Variants in PCDHA5 observed in about 807,000 individuals in gnomAD.
PCDHA5 encodes protocadherin alpha 5, also known as protocadherin alpha-5.
Under a neutral mutation model 61.6 loss-of-function variants are expected in PCDHA5, and 43 were observed. The observed-to-expected ratio is 0.70, with a 90% CI of 0.55 to 0.90. The LOEUF (loss-of-function observed/expected upper bound fraction) is 0.90. Among genes scored for constraint, PCDHA5 ranks in the 40% least tolerant of loss-of-function variants. The pLI, the probability that PCDHA5 is intolerant of heterozygous loss-of-function variation, is 0.00. For synonymous variants in PCDHA5, 627 were observed against 543.9 expected (o/e 1.15, Z -2.13); for missense variants, 1,298 against 1,222.7 (o/e 1.06, Z -0.92).
chr5:140,876,870 G>A (rs1278762768), intron 1 of PCDHA5: 2 of 1,614,000 alleles, frequency 1.2e-6, no homozygotes, highest in Non-Finnish European at 1.7e-6. Flanking sequence ...TCGTGAAGGA[G>A]AACAACCCGC....
rs2150168616 is a variant in PCDHA5, at chr5:140,829,481, G to A, written c.2352+5354G>A. On this transcript the variant is annotated intron_variant, in intron 1 of 3. Coordinates refer to ENST00000529859, the MANE Select transcript of PCDHA5 (RefSeq NM_018908.3). ...CGCGCAGCCCGAGTACACAGTGTTC[G>A]TGAAGGAGAACAACCCGCCGGGCTG... 4.6e-5 allele frequency: 75 copies of A among 1,613,668 alleles called. No homozygotes were observed. The highest frequency in any genetic ancestry group is 1.7e-4 in the Middle Eastern group (1 of 5,788).
rs1354537383 is a variant in PCDHA5 at position 140,982,283 on chromosome 5, A to G, written c.2412-192A>G. On this transcript the variant is annotated intron_variant, in intron 2 of 3. Coordinates refer to ENST00000529859, the MANE Select transcript of PCDHA5 (RefSeq NM_018908.3). The stretch of plus-strand genomic sequence containing the variant: ...TGTTCCTGGAATAGTATAGCAGGCA[A>G]TAAGTAAGTCAGCAATGCTTCTGCA... 1.7e-5 allele frequency: 18 copies of G among 1,044,438 alleles called. No homozygotes were observed. In the East Asian group the frequency reaches 2.7e-4, roughly 16 times the overall value. 64.7% of individuals were successfully genotyped at this position (1,044,438 alleles called of 1,614,324 possible).
intron 1 of PCDHA5, chr5:140,967,785 G>C: frequency 6.2e-7 from 1 of 1,614,176 alleles, no homozygotes; most frequent in Non-Finnish European, 8.5e-7. Flanking sequence ...GCGACTGACC[G>C]GGGTCCAGTG....
At chr5:140,965,371 T>C (rs1195667342) in intron 1 of PCDHA5, among the ~76,000 whole-genome samples, 9 of 152,124 alleles carry the variant, frequency 5.9e-5, no homozygotes, top group African/African-American at 1.2e-4. Flanking sequence ...AAGAGGAAAC[T>C]TGGGGACACA....
At chr5:140,999,319 T>G (rs2097853876) in intron 3 of PCDHA5, among the ~76,000 whole-genome samples, 1 of 152,236 alleles carries the variant, frequency 6.6e-6, no homozygotes, top group African/African-American at 2.4e-5. Flanking sequence ...TGACAGACAT[T>G]GATCTGTGTG....
chr5:140,954,225 A>G (rs1554221300), intron 1 of PCDHA5, among the ~76,000 whole-genome samples: 1 of 152,242 alleles, frequency 6.6e-6, no homozygotes, highest in Admixed American at 6.5e-5. Context: ...TGCTATTGTG[A>G]ATAGTGCTGC....
At chr5:140,931,817 C>A (rs2087768963) in intron 1 of PCDHA5, among the ~76,000 whole-genome samples, 1 of 151,876 alleles carries the variant, frequency 6.6e-6, no homozygotes, top group Non-Finnish European at 1.5e-5. Context: ...GAAAAGAATT[C>A]TTGTCATAGT....
Position 140,835,938 on chromosome 5 carries a change from G to C in PCDHA5, c.2352+11811G>C, listed in dbSNP as rs1298713019. The C allele has an allele frequency of 3.7e-6, 6 of 1,612,516 alleles. No individual in the cohort carries two copies. The South Asian group carries it at 6.6e-5, about 18-fold the overall frequency. On this transcript the variant is annotated intron_variant, in intron 1 of 3. Coordinates refer to ENST00000529859, the MANE Select transcript of PCDHA5 (RefSeq NM_018908.3). The stretch of plus-strand genomic sequence containing the variant: ...GCACGCGGAGAGCGGCAAGGTGTAC[G>C]CGCTGCAGCCGTTGGACCACGAGGA...
At chr5:140,919,110 C>T (rs1274257448) in intron 1 of PCDHA5, among the ~76,000 whole-genome samples, 3 of 152,118 alleles carry the variant, frequency 2.0e-5, no homozygotes, top group Non-Finnish European at 2.9e-5. Flanking sequence ...TTCATTTCTG[C>T]CAGTTTTTGC....
At chr5:140,909,851 G>A (rs555110598) in intron 1 of PCDHA5, among the ~76,000 whole-genome samples, 17 of 152,228 alleles carry the variant, frequency 1.1e-4, no homozygotes, top group East Asian at 3.9e-4. Flanking sequence ...GGACGTTTTC[G>A]GTCCCCTGGA....
chr5:140,967,387 T>A (rs1158599127), intron 1 of PCDHA5: 4 of 1,609,114 alleles, frequency 2.5e-6, no homozygotes, highest in Non-Finnish European at 3.4e-6. Flanking sequence ...GTAAAGTGCT[T>A]GAGCTGGTGC....
chr5:140,857,659 C>T, intron 1 of PCDHA5: 1 of 1,596,596 alleles, frequency 6.3e-7, no homozygotes, highest in South Asian at 1.1e-5. Context: ...TGAGCGCGCG[C>T]GATGGGGGCG....
At chr5:140,946,474 A>G (rs2093947876) in intron 1 of PCDHA5, among the ~76,000 whole-genome samples, 1 of 151,798 alleles carries the variant, frequency 6.6e-6, no homozygotes, top group Non-Finnish European at 1.5e-5. Context: ...ACTACTGGGT[A>G]TATATCCAAA....
intron 1 of PCDHA5, among the ~76,000 whole-genome samples, chr5:140,974,327 G>A (rs2096622889): frequency 6.6e-6 from 1 of 152,194 alleles, no homozygotes; most frequent in African/African-American, 2.4e-5. Context: ...TAGCTGCTGT[G>A]CTAGCAGGCT....
intron 1 of PCDHA5, chr5:140,867,234 G>T (rs782656807): frequency 2.0e-5 from 3 of 152,032 alleles, no homozygotes; most frequent in African/African-American, 4.8e-5. Context: ...CCATAATAAG[G>T]TGATTGAGGA....
intron 1 of PCDHA5, among the ~76,000 whole-genome samples, chr5:140,901,870 TTTC>T (rs2068953949): frequency 6.6e-6 from 1 of 152,202 alleles, no homozygotes. Flanking sequence ...TCCTCTTCAA[TTTC>T]TTTCATCAGC....
chr5:140,884,323 C>G (rs1554181434), intron 1 of PCDHA5: 10 of 1,613,816 alleles, frequency 6.2e-6, no homozygotes, highest in Non-Finnish European at 8.5e-6. Context: ...CGTCGGCAGG[C>G]GCTGTGGGTC....
At chr5:140,880,010 A>G (rs958851507) in intron 1 of PCDHA5, among the ~76,000 whole-genome samples, 1 of 152,232 alleles carries the variant, frequency 6.6e-6, no homozygotes, top group African/African-American at 2.4e-5. Flanking sequence ...TATTCACCAT[A>G]TAAAGTAAAA....
intron 1 of PCDHA5, chr5:140,928,860 G>A: frequency 1.2e-6 from 2 of 1,614,154 alleles, no homozygotes; most frequent in Non-Finnish European, 1.7e-6. Flanking sequence ...GTGTGCTGTT[G>A]AGCAACTCTG....
Sources: gnomAD v4.1 joint callset for allele counts (sites outside exome capture counted in the v4.1 genomes callset) on GRCh38, gnomAD v4.1.1 for gene constraint, MANE v1.5 for transcripts, NCBI Gene and HGNC (gene_info 2026-07-23, HGNC 2026-07-21) for gene names.